Variants in SH3BP5 observed in about 807,000 individuals in gnomAD.
SH3BP5 encodes the protein SH3 domain binding protein 5, also known as SH3 domain-binding protein 5.
Under a neutral mutation model 43.3 loss-of-function variants are expected in SH3BP5, and 22 were observed. The observed-to-expected ratio is 0.51, with a 90% CI of 0.36 to 0.73. The LOEUF is 0.73. Among genes scored for constraint, SH3BP5 ranks in the 30% least tolerant of loss-of-function variants. SH3BP5 has a pLI of 0.00. For missense variants in SH3BP5, 529 were observed against 586.9 expected (o/e 0.90, Z 1.02); for synonymous variants, 255 against 225.8 (o/e 1.13, Z -1.16).
chr3:15,255,993 A>G lies in SH3BP5; in HGVS notation c.*93T>C. 2 of 1,036,710 alleles carry G rather than the reference A, an allele frequency of 1.9e-6. No individual in the cohort carries two copies. The highest frequency in any genetic ancestry group is 2.9e-6 in the Non-Finnish European group (2 of 686,976). 64.2% of individuals were successfully genotyped at this position (1,036,710 alleles called of 1,614,324 possible). Reference sequence around the variant, plus strand: ...TTAGAGCAGTTTAGAGTAGACGTGTAAGATTTGGCATATATTAAATGATTA... The same window carrying G: ...TTAGAGCAGTTTAGAGTAGACGTGTGAGATTTGGCATATATTAAATGATTA... On this transcript the variant is annotated 3_prime_UTR_variant, in exon 9 of 9. Coordinates refer to ENST00000383791, the MANE Select transcript of SH3BP5 (RefSeq NM_004844.5).
At chr3:15,264,509 C>A (rs1026745518) in intron 4 of SH3BP5, 1 of 151,934 alleles carries the variant, frequency 6.6e-6, no homozygotes, top group Admixed American at 6.6e-5. Context: ...TATTTGTATC[C>A]CAATTATGCT....
At chr3:15,289,551 T>A (rs896583710) in intron 3 of SH3BP5, among the ~76,000 whole-genome samples, 11 of 152,350 alleles carry the variant, frequency 7.2e-5, no homozygotes, top group African/African-American at 2.6e-4. Context: ...GGTCCTCTGT[T>A]AGTTGAGAGA....
At chr3:15,277,683 C>G (rs903732367) in intron 3 of SH3BP5, among the ~76,000 whole-genome samples, 1 of 151,894 alleles carries the variant, frequency 6.6e-6, no homozygotes, top group Non-Finnish European at 1.5e-5. Context: ...ACGGGGCAGG[C>G]AAAATTTCCC....
At chr3:15,307,267 C>T (rs1478187834) in intron 2 of SH3BP5, among the ~76,000 whole-genome samples, 1 of 152,136 alleles carries the variant, frequency 6.6e-6, no homozygotes, top group Non-Finnish European at 1.5e-5. Flanking sequence ...TAGGGTCATC[C>T]GCTGCAGCTT....
intron 3 of SH3BP5, among the ~76,000 whole-genome samples, chr3:15,294,290 A>AGT (rs10522979): frequency 0.017 from 2,395 of 138,176 alleles, 67 homozygotes; most frequent in East Asian, 0.14. Flanking sequence ...TGCAAAAGTA[A>AGT]GTGTGTGTGT....
intron 5 of SH3BP5, chr3:15,260,119 G>A (rs1696379948): frequency 4.9e-6 from 2 of 408,542 alleles, no homozygotes; most frequent in East Asian, 5.5e-5. Flanking sequence ...GCTGTTCAGA[G>A]CCTCACAGGT....
chr3:15,259,014 G>A lies in SH3BP5; in HGVS notation c.706C>T (p.Leu236=). 1 of 1,614,240 alleles carries A rather than the reference G, an allele frequency of 6.2e-7. No individual in the cohort carries two copies. Among genetic ancestry groups the A allele is most frequent in the Non-Finnish European group, 8.5e-7 (1 of 1,180,044 alleles). ...TTGTACTCGCCTTTTGCCAGGGTCA[G>A]TTTGGCCTGCAGGTCATCCACAGTC... ...KKTVDDLQAK[L]TLAKGEYKMA... is the part of the protein sequence containing the mutation. The change falls in exon 7 of 9, where the codon CTG becomes TTG. Residue 236 remains leucine, a synonymous_variant. Coordinates refer to ENST00000383791, the MANE Select transcript of SH3BP5 (RefSeq NM_004844.5).
intron 2 of SH3BP5, among the ~76,000 whole-genome samples, chr3:15,313,064 T>C (rs1374058602): frequency 6.6e-6 from 1 of 151,740 alleles, no homozygotes; most frequent in Non-Finnish European, 1.5e-5. Context: ...GCCAACATGG[T>C]GAAACCCAGT....
intron 2 of SH3BP5, among the ~76,000 whole-genome samples, chr3:15,318,557 ATGTTTT>A (rs139246593): frequency 0.35 from 49,746 of 140,584 alleles, 8,856 homozygotes; most frequent in Non-Finnish European, 0.41. Flanking sequence ...AAGCTTTCCT[ATGTTTT>A]TGTTTTTGTT....
rs201526826 is a variant in SH3BP5 at position 15,262,269 on chromosome 3, G to A, written c.516C>T (p.Thr172=). 3 of 1,613,968 alleles carry A rather than the reference G, an allele frequency of 1.9e-6. No individual in the cohort carries two copies. The highest frequency in any genetic ancestry group is 2.5e-6 in the Non-Finnish European group (3 of 1,180,020). The change falls in exon 5 of 9, where the codon ACC becomes ACT. Residue 172 remains threonine (T), a synonymous_variant. Coordinates refer to ENST00000383791, the MANE Select transcript of SH3BP5 (RefSeq NM_004844.5). ...TATGCACCAGCTCGCTCCTGGTCTT[G>A]GTCTGCTCCGCCTCCATGACCTTAA... is the stretch of plus-strand genomic sequence containing the variant. The part of the protein sequence containing the change: ...ATQRVMEAEQ[T]KTRSELVHKE...
At chr3:15,271,849 G>A (rs986497442) in intron 3 of SH3BP5, among the ~76,000 whole-genome samples, 2 of 152,122 alleles carry the variant, frequency 1.3e-5, no homozygotes, top group Non-Finnish European at 2.9e-5. Context: ...GACTGCATGA[G>A]AAATCAGCAC....
chr3:15,334,813 G>A (rs1000551745), upstream of SH3BP5, among the ~76,000 whole-genome samples: 4 of 151,926 alleles, frequency 2.6e-5, no homozygotes, highest in African/African-American at 9.7e-5. Context: ...TTCGCCAAGT[G>A]TGGTGGCTCA....
At chr3:15,272,696 CATTACAAAACAGAGTGCCT>C (rs1696849074) in intron 3 of SH3BP5, among the ~76,000 whole-genome samples, 1 of 136,036 alleles carries the variant, frequency 7.4e-6, no homozygotes, top group African/African-American at 3.5e-5. Flanking sequence ...AGGATAAAGA[CATTACAAAACAGAGTGCCT>C]GTAGGAGATT....
At chr3:15,258,738 C>A (rs1696316818) in intron 7 of SH3BP5, 93 bp downstream of exon 7, 1 of 1,136,530 alleles carries the variant, frequency 8.8e-7, no homozygotes, top group Non-Finnish European at 1.3e-6. Context: ...AACTCTGAGA[C>A]CTTTCACTGA....
chr3:15,330,817 C>G, intron 1 of SH3BP5: 1 of 895,280 alleles, frequency 1.1e-6, no homozygotes, highest in Non-Finnish European at 1.3e-6. Context: ...TGTCAGAGGT[C>G]AACTATTCCA....
intron 3 of SH3BP5, chr3:15,276,165 G>A (rs1158530648): frequency 2.0e-5 from 3 of 151,960 alleles, no homozygotes; most frequent in African/African-American, 7.3e-5. Flanking sequence ...GGGTAGAGAA[G>A]CCTGGCATTG....
chr3:15,311,939 T>C (rs187915105), intron 2 of SH3BP5, among the ~76,000 whole-genome samples: 97 of 152,190 alleles, frequency 6.4e-4, no homozygotes, highest in Middle Eastern at 3.4e-3. Flanking sequence ...CAAACTGTTG[T>C]GATTACAGGC....
intron 3 of SH3BP5, among the ~76,000 whole-genome samples, chr3:15,299,973 T>G (rs1458159171): frequency 2.0e-5 from 3 of 152,158 alleles, no homozygotes; most frequent in African/African-American, 7.2e-5. Context: ...AATAACTTTT[T>G]GCTCTCAACC....
chr3:15,276,952 A>T (rs1559435107), intron 3 of SH3BP5, among the ~76,000 whole-genome samples: 2 of 147,852 alleles, frequency 1.4e-5, no homozygotes, highest in Non-Finnish European at 3.0e-5. Flanking sequence ...TTCATTCTAA[A>T]TTTTTTTTTT....
Sources: allele counts gnomAD v4.1 joint callset (sites outside exome capture counted in the v4.1 genomes callset), GRCh38; gene constraint gnomAD v4.1.1; transcripts MANE v1.5; gene names NCBI Gene and HGNC (gene_info 2026-07-23, HGNC 2026-07-21).